The following PHKB variants were observed in gnomAD, a reference collection of about 807,000 sequenced individuals.
The protein encoded by PHKB is phosphorylase b kinase regulatory subunit beta.
Under a neutral mutation model 152.1 loss-of-function variants are expected in PHKB, and 122 were observed. The observed-to-expected ratio is 0.80, with a 90% CI of 0.69 to 0.93. The LOEUF (loss-of-function observed/expected upper bound fraction) is 0.93. Ranked by LOEUF, PHKB falls within the 40% of genes least tolerant of loss-of-function variation. PHKB has a pLI of 0.00. For synonymous variants in PHKB, 436 were observed against 464.9 expected, an observed-to-expected ratio of 0.94 and a Z score of 0.80; for missense variants, 1,304 against 1,328.4, an observed-to-expected ratio of 0.98 and a Z score of 0.29.
At chr16:47,557,000 G>C (rs1420463128) in intron 7 of PHKB, among the ~76,000 whole-genome samples, 1 of 152,180 alleles carries the variant, frequency 6.6e-6, no homozygotes, top group Non-Finnish European at 1.5e-5. Flanking sequence ...AGTCTTGGGA[G>C]GGTGTATGTG....
In PHKB at chr16:47,515,577, C is replaced by A. The variant is rs890864927; in HGVS notation, c.570C>A (p.Leu190=). ...LYLVEMISSG[L]QIIYNTDEVS... is the part of the protein sequence containing the mutation. The stretch of plus-strand genomic sequence containing the variant: ...TTGTGGAAATGATTTCCTCAGGACT[C>A]CAGATTATCTACAACACTGATGAGG... The change falls in exon 6 of 31, where the codon CTC becomes CTA. Residue 190 remains leucine (L), a synonymous_variant. Coordinates refer to ENST00000323584, the MANE Select transcript of PHKB (RefSeq NM_000293.3). 5 of 1,459,088 alleles carry A rather than the reference C, an allele frequency of 3.4e-6. No homozygotes were observed. The highest frequency in any genetic ancestry group is 3.8e-6 in the Non-Finnish European group (4 of 1,039,200). 90.4% of individuals were successfully genotyped at this position (1,459,088 alleles called of 1,614,324 possible). A position where few individuals can be genotyped will look rare whatever the true frequency, so the allele number is the denominator to read the frequency against.
At chr16:47,513,226 C>T (rs1318423712) in intron 5 of PHKB, among the ~76,000 whole-genome samples, 1 of 152,140 alleles carries the variant, frequency 6.6e-6, no homozygotes, top group African/African-American at 2.4e-5. Flanking sequence ...CATTTTCTTA[C>T]AGAAGCATCC....
intron 1 of PHKB, among the ~76,000 whole-genome samples, chr16:47,488,226 C>T (rs962816298): frequency 6.6e-6 from 1 of 152,182 alleles, no homozygotes; most frequent in Admixed American, 6.5e-5. Context: ...TTGTTGGCTG[C>T]ATGTATCTCT....
intron 14 of PHKB, among the ~76,000 whole-genome samples, chr16:47,628,349 G>A (rs1356853614): frequency 2.0e-5 from 3 of 152,098 alleles, no homozygotes; most frequent in African/African-American, 7.2e-5. Context: ...TGGCTAACAC[G>A]GCAAAACCCC....
chr16:47,465,892 T>C (rs528004831), intron 1 of PHKB, among the ~76,000 whole-genome samples: 1 of 152,234 alleles, frequency 6.6e-6, no homozygotes, highest in Non-Finnish European at 1.5e-5. Context: ...TTAAAGCACA[T>C]CCTTGCTTCA....
intron 27 of PHKB, among the ~76,000 whole-genome samples, chr16:47,692,329 A>G (rs1249598102): frequency 6.6e-6 from 1 of 152,168 alleles, no homozygotes; most frequent in Non-Finnish European, 1.5e-5. Flanking sequence ...AAAAACGTGT[A>G]TCTGGGCTGT....
intron 14 of PHKB, among the ~76,000 whole-genome samples, chr16:47,635,880 C>CTAT (rs1972910908): frequency 6.6e-6 from 1 of 152,190 alleles, no homozygotes; most frequent in Non-Finnish European, 1.5e-5. Context: ...TAAGCAGTTC[C>CTAT]TGGCATGTGG....
intron 4 of PHKB, chr16:47,505,611 C>G (rs767059642): frequency 6.6e-6 from 1 of 152,164 alleles, no homozygotes; most frequent in Non-Finnish European, 1.5e-5. Flanking sequence ...TTCTAGACCC[C>G]GTGTTTCAGA....
intron 7 of PHKB, among the ~76,000 whole-genome samples, chr16:47,556,175 C>A (rs935270996): frequency 7.2e-5 from 11 of 152,278 alleles, no homozygotes; most frequent in African/African-American, 2.6e-4. Context: ...TGGGCTGAGA[C>A]AATGGAGTTT....
chr16:47,497,640 T>C (rs1970255437), intron 2 of PHKB, 152 bp downstream of exon 2: 1 of 664,748 alleles, frequency 1.5e-6, no homozygotes, highest in South Asian at 1.6e-5. Flanking sequence ...ATTCCAATTG[T>C]ATGTCGATAT....
chr16:47,675,992 A>G (rs1294708496), intron 26 of PHKB: 1 of 152,158 alleles, frequency 6.6e-6, no homozygotes, highest in Non-Finnish European at 1.5e-5. Flanking sequence ...ATTAGACTTC[A>G]TCCTCAATAA....
chr16:47,607,498 G>A (rs554215523), intron 13 of PHKB, among the ~76,000 whole-genome samples: 26 of 152,226 alleles, frequency 1.7e-4, no homozygotes, highest in African/African-American at 6.3e-4. Context: ...CCATGTTGTA[G>A]CATGTTTCAG....
intron 13 of PHKB, 93 bp from the exon 14 acceptor site, chr16:47,610,730 ATTC>A (rs1359264866): frequency 1.3e-6 from 1 of 750,698 alleles, no homozygotes; most frequent in African/African-American, 1.7e-5. Flanking sequence ...AAAAATGTAT[ATTC>A]TTCTCTTGTT....
chr16:47,488,024 G>GTGAC (rs1193803651), intron 1 of PHKB, among the ~76,000 whole-genome samples: 17 of 152,202 alleles, frequency 1.1e-4, no homozygotes, highest in Admixed American at 1.1e-3. Flanking sequence ...GTTTTCGACA[G>GTGAC]TGACTGAAAT....
intron 1 of PHKB, among the ~76,000 whole-genome samples, chr16:47,485,569 T>A (rs952438096): frequency 6.6e-6 from 1 of 152,180 alleles, no homozygotes; most frequent in African/African-American, 2.4e-5. Flanking sequence ...ACACTGCTTC[T>A]TGGTCAGGAC....
rs1211352790 is a variant in PHKB at position 47,693,404 on chromosome 16, A to G, written c.2792A>G (p.Asp931Gly). 60 of 1,613,908 alleles carry G rather than the reference A, an allele frequency of 3.7e-5. No individual in the cohort carries two copies. The highest frequency in any genetic ancestry group is 4.7e-5 in the Non-Finnish European group (56 of 1,179,960). The change falls in exon 28 of 31, where the codon GAT (aspartate) becomes GGT (glycine). Residue 931 changes from aspartate to glycine, a missense_variant. Coordinates refer to ENST00000323584, the MANE Select transcript of PHKB (RefSeq NM_000293.3). ...TGTTGGCTGAACAGGCGTCAGATCG[A>G]TGGGTCTTTGAATAGAACTCCCACC... ...GRCWLNRRQI[D>G]GSLNRTPTGF... is the part of the protein sequence containing the mutation.
At chr16:47,616,849 T>C (rs923660478) in intron 14 of PHKB, among the ~76,000 whole-genome samples, 80 of 151,734 alleles carry the variant, frequency 5.3e-4, no homozygotes, top group African/African-American at 1.9e-3. Flanking sequence ...CACATATTTA[T>C]TGACAGCAAG....
At chr16:47,515,655 T>C in intron 6 of PHKB, 54 bp downstream of exon 6, 2 of 783,602 alleles carry the variant, frequency 2.6e-6, no homozygotes. Flanking sequence ...AAATATCTAT[T>C]TTTTTTTTTA....
chr16:47,589,202 T>A, intron 10 of PHKB, 100 bp downstream of exon 10: 1 of 825,962 alleles, frequency 1.2e-6, no homozygotes, highest in Non-Finnish European at 2.0e-6. Context: ...TGCTACTTAC[T>A]AGCTATGTGG....
Sources: allele counts gnomAD v4.1 joint callset (sites outside exome capture counted in the v4.1 genomes callset), GRCh38; gene constraint gnomAD v4.1.1; transcripts MANE v1.5; gene names NCBI Gene and HGNC (gene_info 2026-07-23, HGNC 2026-07-21).